The following ZC2HC1A variants were observed in gnomAD, a reference collection of about 807,000 sequenced individuals.
ZC2HC1A encodes the protein zinc finger C2HC-type containing 1A.
ZC2HC1A carries 28 observed loss-of-function variants against 40.7 expected under a neutral mutation model. The ratio of observed to expected loss-of-function variants is 0.69; its 90% CI spans 0.51 to 0.94. The LOEUF (loss-of-function observed/expected upper bound fraction) is 0.94, where lower values mean the gene tolerates loss of function less well. Ranked by LOEUF, ZC2HC1A falls within the 40% of genes least tolerant of loss-of-function variation. The pLI is 0.00. For synonymous variants in ZC2HC1A, 129 were observed against 129.2 expected (o/e 1.00, Z 0.01); for missense variants, 389 against 386.3 (o/e 1.01, Z -0.06).
intron 8 of ZC2HC1A, among the ~76,000 whole-genome samples, chr8:78,715,757 TGAG>T (rs1811081715): frequency 6.6e-6 from 1 of 151,980 alleles, no homozygotes; most frequent in Non-Finnish European, 1.5e-5. Context: ...CTGGAATGGA[TGAG>T]GAGTTGTGGT....
intron 7 of ZC2HC1A, among the ~76,000 whole-genome samples, chr8:78,707,838 T>G (rs1810823540): frequency 7.6e-6 from 1 of 132,308 alleles, no homozygotes; most frequent in Non-Finnish European, 1.6e-5. Flanking sequence ...AGTGACAGAG[T>G]TCCTTCCTTT....
intron 7 of ZC2HC1A, among the ~76,000 whole-genome samples, chr8:78,699,733 T>C (rs1810539747): frequency 6.6e-6 from 1 of 152,146 alleles, no homozygotes; most frequent in African/African-American, 2.4e-5. Context: ...GGTTTTCTGT[T>C]CCTGTGTTAG....
At chr8:78,693,508 C>A (rs2130522810) in intron 5 of ZC2HC1A, among the ~76,000 whole-genome samples, 1 of 152,154 alleles carries the variant, frequency 6.6e-6, no homozygotes, top group Admixed American at 6.5e-5. Context: ...TTTCATGTGT[C>A]TTTTGGCCGC....
intron 7 of ZC2HC1A, among the ~76,000 whole-genome samples, chr8:78,714,630 C>T (rs921113124): frequency 2.0e-5 from 3 of 152,064 alleles, no homozygotes; most frequent in African/African-American, 7.2e-5. Flanking sequence ...CTTAAAGTTT[C>T]AAAATGGAGA....
At chr8:78,690,989 G>A (rs1393733837) in intron 5 of ZC2HC1A, among the ~76,000 whole-genome samples, 2 of 151,910 alleles carry the variant, frequency 1.3e-5, no homozygotes, top group Non-Finnish European at 2.9e-5. Context: ...AGATTTCTTA[G>A]GACTTTTCTA....
At chr8:78,702,035 A>G (rs1810622472) in intron 7 of ZC2HC1A, among the ~76,000 whole-genome samples, 1 of 152,236 alleles carries the variant, frequency 6.6e-6, no homozygotes, top group Non-Finnish European at 1.5e-5. Flanking sequence ...TTGGAATAAT[A>G]TCAGTAGGAA....
chr8:78,716,761 C>A (rs62518988), intron 8 of ZC2HC1A, among the ~76,000 whole-genome samples: 7,774 of 152,174 alleles, frequency 0.051, 279 homozygotes, highest in Middle Eastern at 0.082. Flanking sequence ...CAAATTGTAA[C>A]CCTCAACGTT....
chr8:78,701,683 T>G (rs1563634634), intron 7 of ZC2HC1A, among the ~76,000 whole-genome samples: 1 of 152,236 alleles, frequency 6.6e-6, no homozygotes, highest in Non-Finnish European at 1.5e-5. Flanking sequence ...CCTAGTTTAT[T>G]GAGAGTTTTT....
chr8:78,709,769 G>T (rs766647946), intron 7 of ZC2HC1A, among the ~76,000 whole-genome samples: 2 of 151,774 alleles, frequency 1.3e-5, no homozygotes, highest in Non-Finnish European at 2.9e-5. Flanking sequence ...TTACGAATTT[G>T]TATAGGGCCC....
intron 3 of ZC2HC1A, among the ~76,000 whole-genome samples, chr8:78,684,574 TA>T (rs1585990865): frequency 6.6e-6 from 1 of 152,106 alleles, no homozygotes; most frequent in East Asian, 1.9e-4. Context: ...AAAGACTAGA[TA>T]AAATCATCTT....
intron 1 of ZC2HC1A, among the ~76,000 whole-genome samples, chr8:78,673,136 G>C (rs191215785): frequency 1.4e-3 from 207 of 152,094 alleles, no homozygotes; most frequent in African/African-American, 4.6e-3. Flanking sequence ...TCATTGTTCA[G>C]CTCCCACTTA....
intron 3 of ZC2HC1A, among the ~76,000 whole-genome samples, chr8:78,680,705 A>G (rs1809748402): frequency 6.6e-6 from 1 of 152,200 alleles, no homozygotes; most frequent in South Asian, 2.1e-4. Context: ...GTTGAAATCC[A>G]GGAGAAATTA....
intron 7 of ZC2HC1A, 105 bp from the exon 8 acceptor site, chr8:78,715,116 T>G: frequency 1.0e-6 from 1 of 960,036 alleles, no homozygotes; most frequent in Non-Finnish European, 1.5e-6. Context: ...TCTTTTGAAC[T>G]TCTCTGAAGC....
intron 7 of ZC2HC1A, among the ~76,000 whole-genome samples, chr8:78,700,318 G>T (rs1810558767): frequency 6.6e-6 from 1 of 150,902 alleles, no homozygotes; most frequent in African/African-American, 2.4e-5. Context: ...GGGATTGTTT[G>T]TTTTTTTTCT....
rs1468397081 is a variant in ZC2HC1A at position 78,718,422 on chromosome 8, T to A, written c.*929T>A. ...ATTTAGAATAAATCATTTTAATGCA[T>A]CTTAAATCACGTCACCTAATCATAA... is the stretch of plus-strand genomic sequence containing the variant. On this transcript the variant is annotated 3_prime_UTR_variant, in exon 9 of 9. Coordinates refer to ENST00000263849, the MANE Select transcript of ZC2HC1A (RefSeq NM_016010.3). The A allele has an allele frequency of 6.6e-6, 1 of 151,968 alleles. No individual in the cohort carries two copies. Among genetic ancestry groups the A allele is most frequent in the Non-Finnish European group, 1.5e-5 (1 of 67,842 alleles). 9.4% of individuals were successfully genotyped at this position (151,968 alleles called of 1,614,324 possible). A position where few individuals can be genotyped will look rare whatever the true frequency, so the allele number is the denominator to read the frequency against.
At chr8:78,686,869 T>C (rs10093127) in intron 4 of ZC2HC1A, among the ~76,000 whole-genome samples, 98,529 of 151,908 alleles carry the variant, frequency 0.65, 33,802 homozygotes, top group East Asian at 0.9. Flanking sequence ...AAAATTATTA[T>C]AGTAACTATT....
At chr8:78,710,534 A>T (rs761788844) in intron 7 of ZC2HC1A, among the ~76,000 whole-genome samples, 1 of 152,034 alleles carries the variant, frequency 6.6e-6, no homozygotes, top group Admixed American at 6.6e-5. Context: ...TATAAGAGGA[A>T]TATGTTTTTA....
intron 3 of ZC2HC1A, chr8:78,686,013 T>G (rs2130482297): frequency 6.6e-6 from 1 of 152,420 alleles, no homozygotes; most frequent in East Asian, 1.9e-4. Flanking sequence ...CAGACTTACT[T>G]TTTTATCAGG....
chr8:78,687,854 T>TATAATA (rs1810067372), intron 4 of ZC2HC1A, among the ~76,000 whole-genome samples: 3 of 87,418 alleles, frequency 3.4e-5, no homozygotes, highest in East Asian at 3.5e-4. Flanking sequence ...TATATTTATA[T>TATAATA]AATATATATC....
Sources: allele counts gnomAD v4.1 joint callset (sites outside exome capture counted in the v4.1 genomes callset), GRCh38; gene constraint gnomAD v4.1.1; transcripts MANE v1.5; gene names NCBI Gene and HGNC (gene_info 2026-07-23, HGNC 2026-07-21).